PDE4D: variants seen among roughly 807,000 people sequenced by gnomAD.
PDE4D encodes phosphodiesterase 4D.
A neutral mutation model predicts 87.4 loss-of-function variants in PDE4D; 24 were observed. That is an observed-to-expected ratio of 0.27 (90% confidence interval 0.20 to 0.39). The LOEUF is 0.39. Ranked by LOEUF, PDE4D falls within the 10% of genes least tolerant of loss-of-function variation. The pLI, the probability that PDE4D is intolerant of heterozygous loss-of-function variation, is 1.00. For synonymous variants in PDE4D, 384 were observed against 383.2 expected (o/e 1.00, Z -0.02); for missense variants, 714 against 1,041.0 (o/e 0.69, Z 4.32).
intron 3 of PDE4D, among the ~76,000 whole-genome samples, chr5:59,948,500 T>C (rs1757938576): frequency 1.3e-5 from 2 of 152,202 alleles, no homozygotes; most frequent in South Asian, 2.1e-4. Context: ...CTGAGAATGA[T>C]AATGGCTTGC....
chr5:59,537,465 G>T (rs989324373), intron 1 of PDE4D, among the ~76,000 whole-genome samples: 1 of 152,150 alleles, frequency 6.6e-6, no homozygotes, highest in Non-Finnish European at 1.5e-5. Context: ...ACATTAATAG[G>T]ATTTGGTCAT....
chr5:59,446,407 G>A (rs1798357439), intron 1 of PDE4D, among the ~76,000 whole-genome samples: 1 of 152,072 alleles, frequency 6.6e-6, no homozygotes, highest in African/African-American at 2.4e-5. Context: ...CATTCTCTTT[G>A]GGAATTATCA....
intron 2 of PDE4D, among the ~76,000 whole-genome samples, chr5:60,142,640 T>C (rs1009907431): frequency 6.6e-6 from 1 of 152,180 alleles, no homozygotes; most frequent in Non-Finnish European, 1.5e-5. Context: ...AGTTAGATCA[T>C]TTCATAGTAT....
intron 1 of PDE4D, among the ~76,000 whole-genome samples, chr5:59,630,311 G>C (rs191080500): frequency 7.9e-5 from 12 of 152,082 alleles, no homozygotes; most frequent in Admixed American, 7.9e-4. Context: ...TGTATTTTAC[G>C]TGTCCAGCCT....
At chr5:59,548,774 C>T (rs993417766) in intron 1 of PDE4D, among the ~76,000 whole-genome samples, 7 of 152,102 alleles carry the variant, frequency 4.6e-5, no homozygotes, top group East Asian at 1.9e-4. Flanking sequence ...GGTCCTACAA[C>T]AGAGAATAGT....
intron 2 of PDE4D, among the ~76,000 whole-genome samples, chr5:60,043,511 G>C (rs573065641): frequency 6.6e-6 from 1 of 152,224 alleles, no homozygotes; most frequent in South Asian, 2.1e-4. Context: ...CACCAAGGTC[G>C]AAATGGAGGA....
rs148306423 is a variant in PDE4D, at chr5:59,637,011, C to T, written c.455+256157G>A. Among the ~76,000 whole-genome samples the T allele has an allele frequency of 8.6e-3, 1,315 of 152,236 alleles. 3 individuals are homozygous for T. The highest frequency in any genetic ancestry group is 0.012 in the Non-Finnish European group (843 of 68,014). Reference sequence around the variant, plus strand: ...TTTGCAGTCTCCATCTGACAAAGGTCTAATATCCAGAATCTACAAGGAACT... The same window carrying T: ...TTTGCAGTCTCCATCTGACAAAGGTTTAATATCCAGAATCTACAAGGAACT... On this transcript the variant is annotated intron_variant, in intron 1 of 14. Coordinates refer to ENST00000340635, the MANE Select transcript of PDE4D (RefSeq NM_001104631.2).
At chr5:59,979,905 T>C (rs73761080) in intron 3 of PDE4D, among the ~76,000 whole-genome samples, 24,849 of 152,110 alleles carry the variant, frequency 0.16, 2,651 homozygotes, top group African/African-American at 0.3. Flanking sequence ...ATATACAGAT[T>C]TTTTAAAAGA....
At chr5:60,517,958 G>C (rs913079948) in intron 1 of PDE4D, among the ~76,000 whole-genome samples, 8 of 152,220 alleles carry the variant, frequency 5.3e-5, no homozygotes, top group African/African-American at 9.6e-5. Context: ...AGGGAGCCCA[G>C]ACCTGGGAGC....
intron 1 of PDE4D, among the ~76,000 whole-genome samples, chr5:60,464,086 A>G (rs970594902): frequency 5.9e-5 from 9 of 152,046 alleles, no homozygotes; most frequent in African/African-American, 2.2e-4. Flanking sequence ...TTTTTGTTAA[A>G]TTAGTGATTC....
intron 1 of PDE4D, among the ~76,000 whole-genome samples, chr5:59,505,413 A>C (rs1313989034): frequency 6.6e-6 from 1 of 152,180 alleles, no homozygotes; most frequent in East Asian, 1.9e-4. Context: ...GCAGTGCATC[A>C]ATATAAGGGT....
At chr5:60,084,744 T>C (rs1330261591) in intron 2 of PDE4D, among the ~76,000 whole-genome samples, 3 of 152,246 alleles carry the variant, frequency 2.0e-5, no homozygotes, top group African/African-American at 7.2e-5. Context: ...CCGCCTTGGT[T>C]AGTCAGCAGT....
intron 1 of PDE4D, among the ~76,000 whole-genome samples, chr5:59,493,493 A>C (rs979235149): frequency 2.6e-5 from 4 of 152,236 alleles, no homozygotes; most frequent in African/African-American, 9.6e-5. Context: ...AAATTAATGT[A>C]AAGTTGTTAA....
chr5:58,977,083 A>ATGTT, intron 12 of PDE4D, 108 bp downstream of exon 12: 1 of 971,568 alleles, frequency 1.0e-6, no homozygotes, highest in Non-Finnish European at 1.5e-6. Context: ...GGGCCATAAT[A>ATGTT]TGTTTTGAAA....
chr5:59,813,234 C>T (rs1768569906), intron 1 of PDE4D, among the ~76,000 whole-genome samples: 1 of 152,208 alleles, frequency 6.6e-6, no homozygotes, highest in Admixed American at 6.5e-5. Flanking sequence ...GTCAAGTTTA[C>T]ATTGGCTCAA....
intron 5 of PDE4D, among the ~76,000 whole-genome samples, chr5:59,103,271 C>T (rs557344159): frequency 6.6e-6 from 1 of 152,134 alleles, no homozygotes; most frequent in African/African-American, 2.4e-5. Flanking sequence ...ATTACAAAGA[C>T]CCAGTCCAAA....
chr5:59,850,059 G>A (rs1033120180), intron 1 of PDE4D, among the ~76,000 whole-genome samples: 4 of 152,008 alleles, frequency 2.6e-5, no homozygotes, highest in African/African-American at 9.7e-5. Context: ...TGATTAACGT[G>A]TTGATTAGCC....
intron 1 of PDE4D, among the ~76,000 whole-genome samples, chr5:59,638,511 G>A (rs1258100523): frequency 6.6e-6 from 1 of 152,188 alleles, no homozygotes; most frequent in East Asian, 1.9e-4. Context: ...AGACAGTAAA[G>A]AGCCAACACA....
At chr5:59,665,242 C>T (rs1285655872) in intron 1 of PDE4D, among the ~76,000 whole-genome samples, 1 of 152,198 alleles carries the variant, frequency 6.6e-6, no homozygotes, top group Non-Finnish European at 1.5e-5. Context: ...ATGACCTTGT[C>T]ACCAATACTA....
Sources: gnomAD v4.1 joint callset for allele counts (sites outside exome capture counted in the v4.1 genomes callset) on GRCh38, gnomAD v4.1.1 for gene constraint, MANE v1.5 for transcripts, NCBI Gene and HGNC (gene_info 2026-07-23, HGNC 2026-07-21) for gene names.